MAN2A1: variants seen among roughly 807,000 people sequenced by gnomAD.
The protein encoded by MAN2A1 is alpha-mannosidase 2.
MAN2A1 carries 76 observed loss-of-function variants against 142.6 expected under a neutral mutation model. The observed-to-expected ratio is 0.53, with a 90% CI of 0.44 to 0.65. The LOEUF (loss-of-function observed/expected upper bound fraction) is 0.65. Ranked by LOEUF, MAN2A1 falls within the 30% of genes least tolerant of loss-of-function variation. The pLI, the probability that MAN2A1 is intolerant of heterozygous loss-of-function variation, is 0.00. For missense variants in MAN2A1, 1,311 were observed against 1,365.1 expected (o/e 0.96, Z 0.62); for synonymous variants, 559 against 473.2 (o/e 1.18, Z -2.35).
chr5:109,690,348 T>C lies in MAN2A1; in HGVS notation c.-70T>C. ...GAGAAGGGAGCCTCCGGCGGCTGCT[T>C]CCTAGAGTCCACAGTGCGCTGTCTC... On this transcript the variant is annotated 5_prime_UTR_variant, in exon 1 of 22. Coordinates refer to ENST00000261483, the MANE Select transcript of MAN2A1 (RefSeq NM_002372.4). The C allele has an allele frequency of 6.4e-7, 1 of 1,571,472 alleles. No individual in the cohort carries two copies. The highest frequency in any genetic ancestry group is 1.1e-5 in the South Asian group (1 of 90,142).
chr5:109,782,502 A>AAAGTTTTC, intron 9 of MAN2A1, among the ~76,000 whole-genome samples: 1 of 152,196 alleles, frequency 6.6e-6, no homozygotes, highest in Non-Finnish European at 1.5e-5. Context: ...AGAGGCTCCC[A>AAAGTTTTC]AAGTTTTCTC....
intron 12 of MAN2A1, among the ~76,000 whole-genome samples, chr5:109,800,492 A>T (rs1231627264): frequency 6.6e-6 from 1 of 152,190 alleles, no homozygotes; most frequent in Non-Finnish European, 1.5e-5. Context: ...AAATAATCAG[A>T]TATGGAGGTG....
At chr5:109,855,578 T>C (rs1755586483) in intron 20 of MAN2A1, among the ~76,000 whole-genome samples, 1 of 152,168 alleles carries the variant, frequency 6.6e-6, no homozygotes, top group Non-Finnish European at 1.5e-5. Flanking sequence ...ATACCATTAG[T>C]AGGTGGGCAA....
At chr5:109,796,239 C>G (rs751069606) in intron 12 of MAN2A1, among the ~76,000 whole-genome samples, 4 of 152,092 alleles carry the variant, frequency 2.6e-5, no homozygotes, top group Non-Finnish European at 5.9e-5. Flanking sequence ...AGTTTAAGTT[C>G]TTGCTATACT....
Position 109,867,631 on chromosome 5 carries a change from A to G in MAN2A1, c.*633A>G, listed in dbSNP as rs1303378444. The stretch of plus-strand genomic sequence containing the variant: ...GAAATACCTGATTTTGAATCATTCA[A>G]CAGTAGAAAAAGAGGCATATTTTCA... On this transcript the variant is annotated 3_prime_UTR_variant, in exon 22 of 22. Transcript: ENST00000261483. 1.3e-5 allele frequency: 2 copies of G among 152,528 alleles called. No individual in the cohort carries two copies. Among genetic ancestry groups the G allele is most frequent in the East Asian group, 1.9e-4 (1 of 5,192 alleles). The allele number at this position is 152,528 out of a possible 1,614,324, so 9.4% of individuals were successfully genotyped here. A position where few individuals can be genotyped will look rare whatever the true frequency, so the allele number is the denominator to read the frequency against.
At chr5:109,696,024 A>G (rs77436421) in intron 1 of MAN2A1, among the ~76,000 whole-genome samples, 8,130 of 152,168 alleles carry the variant, frequency 0.053, 228 homozygotes, top group South Asian at 0.099. Flanking sequence ...TTGAGGTCAT[A>G]TCATAGCTTT....
At chr5:109,782,087 C>T (rs1288229204) in intron 9 of MAN2A1, among the ~76,000 whole-genome samples, 1 of 152,142 alleles carries the variant, frequency 6.6e-6, no homozygotes, top group African/African-American at 2.4e-5. Flanking sequence ...TAGGCTTCAT[C>T]TCAGTTCTTA....
intron 4 of MAN2A1, among the ~76,000 whole-genome samples, chr5:109,745,578 T>C (rs868617422): frequency 3.9e-5 from 6 of 152,140 alleles, no homozygotes; most frequent in Middle Eastern, 3.2e-3. Flanking sequence ...TTTGCAGAAA[T>C]TATTGAACCA....
At chr5:109,766,831 A>G (rs1370806541) in intron 5 of MAN2A1, among the ~76,000 whole-genome samples, 5 of 152,232 alleles carry the variant, frequency 3.3e-5, no homozygotes, top group Non-Finnish European at 5.9e-5. Flanking sequence ...CAGTACATTT[A>G]TTATCTTTTT....
intron 20 of MAN2A1, chr5:109,862,719 T>G (rs911882059): frequency 2.6e-5 from 4 of 152,202 alleles, no homozygotes; most frequent in African/African-American, 9.6e-5. Flanking sequence ...ATAAAATGTC[T>G]AGACAGACTT....
intron 12 of MAN2A1, among the ~76,000 whole-genome samples, chr5:109,806,889 CATGATTTTAAGA>C (rs1462389726): frequency 3.9e-5 from 6 of 152,044 alleles, no homozygotes; most frequent in Admixed American, 3.9e-4. Context: ...ATATTTTGTC[CATGATTTTAAGA>C]ATGATTTCTC....
chr5:109,829,518 C>G (rs1210775550), intron 16 of MAN2A1, among the ~76,000 whole-genome samples: 2 of 152,224 alleles, frequency 1.3e-5, no homozygotes, highest in Non-Finnish European at 2.9e-5. Flanking sequence ...GTTGCCATGA[C>G]TTTTACTCTT....
In MAN2A1 at chr5:109,690,352, A is replaced by C. The variant is rs1027118876; in HGVS notation, c.-66A>C. 6.3e-7 allele frequency: 1 copy of C among 1,580,886 alleles called. No individual in the cohort carries two copies. The highest frequency in any genetic ancestry group is 8.7e-7 in the Non-Finnish European group (1 of 1,150,482). ...AGGGAGCCTCCGGCGGCTGCTTCCT[A>C]GAGTCCACAGTGCGCTGTCTCCTTT... On this transcript the variant is annotated 5_prime_UTR_variant, in exon 1 of 22. Transcript: ENST00000261483.
At position 109,868,547 on chromosome 5, in the gene MAN2A1, A is replaced by G. The variant is rs1300862785; in HGVS notation, c.*1549A>G. ...ATCTTTATAGAGAAATAAAAACCCA[A>G]TTTCTCTTTCACCATTTAGTTTGAT... On this transcript the variant is annotated 3_prime_UTR_variant, in exon 22 of 22. Coordinates refer to ENST00000261483, the MANE Select transcript of MAN2A1 (RefSeq NM_002372.4). 6.6e-6 allele frequency: 1 copy of G among 152,172 alleles called. No homozygotes were observed. The highest frequency in any genetic ancestry group is 2.4e-5 in the African/African-American group (1 of 41,446). 9.4% of individuals were successfully genotyped at this position (152,172 alleles called of 1,614,324 possible). A position where few individuals can be genotyped will look rare whatever the true frequency, so the allele number is the denominator to read the frequency against.
chr5:109,761,195 T>G (rs967865069), intron 5 of MAN2A1, among the ~76,000 whole-genome samples: 2 of 151,350 alleles, frequency 1.3e-5, no homozygotes. Context: ...ATGAAAATTA[T>G]CTTTTTAAAT....
Position 109,844,569 on chromosome 5 carries a change from A to G in MAN2A1, c.2701-1296A>G, listed in dbSNP as rs1482752353. On this transcript the variant is annotated intron_variant, in intron 17 of 21. Coordinates refer to ENST00000261483, the MANE Select transcript of MAN2A1 (RefSeq NM_002372.4). ...CATACAAATGGAATCACGTAAAACA[A>G]CAAAACTTTATTCTTTCACAGTTCT... Among the ~76,000 whole-genome samples the G allele has an allele frequency of 2.6e-5, 4 of 152,194 alleles. No homozygotes were observed. In the East Asian group the frequency reaches 7.7e-4, roughly 29 times the overall value.
chr5:109,755,596 T>C (rs1752667810), intron 5 of MAN2A1, 140 bp downstream of exon 5: 1 of 661,158 alleles, frequency 1.5e-6, no homozygotes, highest in Middle Eastern at 4.3e-4. Flanking sequence ...CATTAATTTA[T>C]GATATTTCTT....
chr5:109,817,932 T>A (rs1761890426), intron 13 of MAN2A1, among the ~76,000 whole-genome samples: 1 of 152,166 alleles, frequency 6.6e-6, no homozygotes. Context: ...GATATAATTG[T>A]GGAAAATCTG....
At chr5:109,701,591 C>G (rs1284171554) in intron 1 of MAN2A1, among the ~76,000 whole-genome samples, 2 of 152,086 alleles carry the variant, frequency 1.3e-5, no homozygotes, top group Admixed American at 1.3e-4. Context: ...AATATTCAAT[C>G]TAGATTATTC....
Sources: allele counts gnomAD v4.1 joint callset (sites outside exome capture counted in the v4.1 genomes callset), GRCh38; gene constraint gnomAD v4.1.1; transcripts MANE v1.5; gene names NCBI Gene and HGNC (gene_info 2026-07-23, HGNC 2026-07-21).